The following GCNT3 variants were observed in gnomAD, a reference collection of about 807,000 sequenced individuals.
GCNT3 encodes the protein glucosaminyl (N-acetyl) transferase 3, mucin type, also known as beta-1,3-galactosyl-O-glycosyl-glycoprotein beta-1,6-N-acetylglucosaminyltransferase 3.
For missense variants in GCNT3, 708 were observed against 530.3 expected, an observed-to-expected ratio of 1.34 and a Z score of -3.29; for synonymous variants, 269 against 195.2, an observed-to-expected ratio of 1.38 and a Z score of -3.15.
At position 59,616,718 on chromosome 15, in the gene GCNT3, C is replaced by G. The variant is rs1200288415; in HGVS notation, c.-224C>G. On this transcript the variant is annotated 5_prime_UTR_variant, in exon 2 of 3. Transcript: ENST00000396065. Reference sequence around the variant, plus strand: ...TATTAAAGAGGAGCCTGAAACTGTTCCTTGGACATCTTATGAATGTCAGAA... The same window carrying G: ...TATTAAAGAGGAGCCTGAAACTGTTGCTTGGACATCTTATGAATGTCAGAA... 2.0e-5 allele frequency: 3 copies of G among 152,158 alleles called. No individual in the cohort carries two copies. Among genetic ancestry groups the G allele is most frequent in the Admixed American group, 6.5e-5 (1 of 15,272 alleles). The allele number at this position is 152,158 out of a possible 1,614,324, so 9.4% of individuals were successfully genotyped here.
In GCNT3 at chr15:59,622,177, G is replaced by A. The variant is rs1890948355; in HGVS notation, c.*2622G>A. On this transcript the variant is annotated 3_prime_UTR_variant, in exon 3 of 3. Coordinates refer to ENST00000396065, the MANE Select transcript of GCNT3 (RefSeq NM_004751.3). ...AAAATATAAAAATTAGCCAGACATG[G>A]TGGTGGGTACCTGTAATCCCAGCTA... 1 of 151,950 alleles carries A rather than the reference G, an allele frequency of 6.6e-6. No homozygotes were observed. The highest frequency in any genetic ancestry group is 1.5e-5 in the Non-Finnish European group (1 of 68,038). The allele number at this position is 151,950 out of a possible 1,614,324, so 9.4% of individuals were successfully genotyped here.
rs564428986 is a variant in GCNT3, at chr15:59,617,643, T to G, written c.-60-536T>G. Among the ~76,000 whole-genome samples the G allele has an allele frequency of 2.6e-5, 4 of 152,344 alleles. No individual in the cohort carries two copies. The South Asian group carries it at 8.3e-4, about 32-fold the overall frequency. Reference sequence around the variant, plus strand: ...TTTTTACTTCTTTAAGAACATTTTTTAAAAAGTGTGGCTAGATGTCACATC... The same window carrying G: ...TTTTTACTTCTTTAAGAACATTTTTGAAAAAGTGTGGCTAGATGTCACATC... On this transcript the variant is annotated intron_variant, in intron 2 of 2. Coordinates refer to ENST00000396065, the MANE Select transcript of GCNT3 (RefSeq NM_004751.3).
Position 59,619,316 on chromosome 15 carries a change from A to G in GCNT3, c.1078A>G (p.Ile360Val), listed in dbSNP as rs577938091. 51 of 1,613,970 alleles carry G rather than the reference A, an allele frequency of 3.2e-5. No individual in the cohort carries two copies. Among genetic ancestry groups the G allele is most frequent in the African/African-American group, 6.7e-5 (5 of 74,882 alleles). Reference sequence around the variant, plus strand: ...GTACGACATCTCAGACATGACTTCTATTGCCAGGCTGGTCAAGTGGCAGGG... The same window carrying G: ...GTACGACATCTCAGACATGACTTCTGTTGCCAGGCTGGTCAAGTGGCAGGG... Reference protein sequence around the residue: ...PKYDISDMTSIARLVKWQGHE... With the variant: ...PKYDISDMTSVARLVKWQGHE... The change falls in exon 3 of 3, where the codon ATT (isoleucine) becomes GTT (valine). Residue 360 changes from isoleucine to valine, a missense_variant. Ile to Val is a conservative substitution (Grantham distance 29). Coordinates refer to ENST00000396065, the MANE Select transcript of GCNT3 (RefSeq NM_004751.3).
chr15:59,619,020 A>T lies in GCNT3; in HGVS notation c.782A>T (p.Lys261Ile). 1 of 1,614,186 alleles carries T rather than the reference A, an allele frequency of 6.2e-7. No individual in the cohort carries two copies. Among genetic ancestry groups the T allele is most frequent in the Non-Finnish European group, 8.5e-7 (1 of 1,180,028 alleles). ...SMESEVPPKH[K>I]ETRWKYHFEV... Reference sequence around the variant, plus strand: ...GAGTCAGAGGTACCTCCTAAGCACAAAGAAACCCGCTGGAAATATCACTTT... The same window carrying T: ...GAGTCAGAGGTACCTCCTAAGCACATAGAAACCCGCTGGAAATATCACTTT... Residue 261 changes from lysine (K) to isoleucine (I), a missense_variant, in exon 3 of 3, where the codon AAA becomes ATA. Coordinates refer to ENST00000396065, the MANE Select transcript of GCNT3 (RefSeq NM_004751.3).
In GCNT3 at chr15:59,619,779, C is replaced by T. The variant is rs1886558523; in HGVS notation, c.*224C>T. 2.2e-6 allele frequency: 1 copy of T among 451,588 alleles called. No individual in the cohort carries two copies. Among genetic ancestry groups the T allele is most frequent in the South Asian group, 3.3e-5 (1 of 30,010 alleles). The allele number at this position is 451,588 out of a possible 1,614,324, so 28.0% of individuals were successfully genotyped here. ...TCACCCCTAACCCTAGTAGTTCCTC[C>T]ACTAACTTTCTCACTAAGTGAGAAT... On this transcript the variant is annotated 3_prime_UTR_variant, in exon 3 of 3. Transcript: ENST00000396065.
At position 59,619,144 on chromosome 15, in the gene GCNT3, C is replaced by T; in HGVS notation, c.906C>T (p.Ser302=). Residue 302 remains serine (S), a synonymous_variant, in exon 3 of 3, where the codon TCC becomes TCT. Coordinates refer to ENST00000396065, the MANE Select transcript of GCNT3 (RefSeq NM_004751.3). ...MFTGNAYIVA[S]RDFVQHVLKN... ...CAGGGAATGCGTACATTGTGGCTTCCCGAGATTTCGTCCAACATGTTTTGA... is the reference window on the plus strand; with the variant it reads ...CAGGGAATGCGTACATTGTGGCTTCTCGAGATTTCGTCCAACATGTTTTGA... The T allele has an allele frequency of 1.9e-6, 3 of 1,614,134 alleles. No homozygotes were observed. The highest frequency in any genetic ancestry group is 2.5e-6 in the Non-Finnish European group (3 of 1,180,024).
chr15:59,621,615 A>T lies in GCNT3; in HGVS notation c.*2060A>T. ...TTGTTTTTTTTTTTTTTTTTGAGAC[A>T]GAGTCTCACTCTGTCACCCAGGTTG... is the stretch of plus-strand genomic sequence containing the variant. On this transcript the variant is annotated 3_prime_UTR_variant, in exon 3 of 3. Coordinates refer to ENST00000396065, the MANE Select transcript of GCNT3 (RefSeq NM_004751.3). 7.8e-4 allele frequency: 1 copy of T among 1,282 alleles called. No homozygotes were observed. The highest frequency in any genetic ancestry group is 2.1e-3 in the African/African-American group (1 of 472). The allele number at this position is 1,282 out of a possible 1,614,324, so 0.1% of individuals were successfully genotyped here. A position where few individuals can be genotyped will look rare whatever the true frequency, so the allele number is the denominator to read the frequency against.
At chr15:59,612,962 C>T (rs1237155684) in intron 1 of GCNT3, among the ~76,000 whole-genome samples, 1 of 151,752 alleles carries the variant, frequency 6.6e-6, no homozygotes, top group Non-Finnish European at 1.5e-5. Context: ...TCTGCTTGGT[C>T]CAGAGTTCAG....
Position 59,618,701 on chromosome 15 carries a change from G to A in GCNT3, c.463G>A (p.Ala155Thr). The A allele has an allele frequency of 6.2e-7, 1 of 1,614,064 alleles. No individual in the cohort carries two copies. The highest frequency in any genetic ancestry group is 8.5e-7 in the Non-Finnish European group (1 of 1,179,952). ...TGAAAGGCTACTGCGAGCTGTGTATGCCCCTCAGAACATATACTGTGTCCA... is the reference window on the plus strand; with the variant it reads ...TGAAAGGCTACTGCGAGCTGTGTATACCCCTCAGAACATATACTGTGTCCA... ...NFERLLRAVY[A>T]PQNIYCVHVD... The change falls in exon 3 of 3, where the codon GCC becomes ACC. Residue 155 changes from alanine to threonine, a missense_variant. Ala to Thr is a moderately conservative substitution (Grantham distance 58). Transcript: ENST00000396065.
chr15:59,612,965 G>A (rs1203805835), intron 1 of GCNT3, among the ~76,000 whole-genome samples: 3 of 151,802 alleles, frequency 2.0e-5, no homozygotes. Flanking sequence ...GCTTGGTCCA[G>A]AGTTCAGGAA....
chr15:59,614,089 T>C (rs2082708702), intron 1 of GCNT3, among the ~76,000 whole-genome samples: 2 of 152,126 alleles, frequency 1.3e-5, no homozygotes, highest in African/African-American at 4.8e-5. Context: ...TATAATGCAG[T>C]TTTTATGGGA....
intron 1 of GCNT3, chr15:59,615,104 T>G (rs904313350): frequency 6.6e-6 from 1 of 152,212 alleles, no homozygotes; most frequent in African/African-American, 2.4e-5. Flanking sequence ...TCATGCCTCT[T>G]GCAAACCACG....
rs763125847 is a variant in GCNT3 at position 59,619,434 on chromosome 15, A to G, written c.1196A>G (p.Asn399Ser). The change falls in exon 3 of 3, where the codon AAT becomes AGT. Residue 399 changes from asparagine (N) to serine (S), a missense_variant. Transcript: ENST00000396065. The part of the protein sequence containing the change: ...AICVYGAGDL[N>S]WMLQNHHLLA... ...TGCGTTTATGGGGCTGGGGACTTGA[A>G]TTGGATGCTTCAAAACCATCACCTG... is the stretch of plus-strand genomic sequence containing the variant. 9 of 1,614,132 alleles carry G rather than the reference A, an allele frequency of 5.6e-6. 1 individual carries two copies. The South Asian group carries it at 9.9e-5, about 18-fold the overall frequency.
In GCNT3 at chr15:59,618,751, T is replaced by G; in HGVS notation, c.513T>G (p.Thr171=). 1.2e-6 allele frequency: 2 copies of G among 1,614,156 alleles called. No homozygotes were observed. The highest frequency in any genetic ancestry group is 1.7e-6 in the Non-Finnish European group (2 of 1,180,012). The change falls in exon 3 of 3, where the codon ACT becomes ACG. Residue 171 remains threonine, a synonymous_variant. Coordinates refer to ENST00000396065, the MANE Select transcript of GCNT3 (RefSeq NM_004751.3). The part of the protein sequence containing the change: ...CVHVDEKSPE[T]FKEAVKAIIS... ...ATGTGGATGAGAAGTCCCCAGAAAC[T>G]TTCAAAGAGGCGGTCAAAGCAATTA...
intron 1 of GCNT3, among the ~76,000 whole-genome samples, chr15:59,614,453 T>C (rs2082710655): frequency 6.6e-6 from 1 of 151,386 alleles, no homozygotes; most frequent in Admixed American, 6.6e-5. Flanking sequence ...TCCATAGACA[T>C]AGCAGCCCTG....
At chr15:59,612,418 A>G (rs2141931026) in intron 1 of GCNT3, among the ~76,000 whole-genome samples, 1 of 152,256 alleles carries the variant, frequency 6.6e-6, no homozygotes, top group Non-Finnish European at 1.5e-5. Flanking sequence ...GTTGCTTTAT[A>G]TTTTGGTTAC....
chr15:59,613,682 C>T (rs773774747), intron 1 of GCNT3, among the ~76,000 whole-genome samples: 12 of 152,086 alleles, frequency 7.9e-5, no homozygotes, highest in African/African-American at 2.4e-4. Context: ...GCTGAGATGG[C>T]GCCACTGCAC....
intron 1 of GCNT3, among the ~76,000 whole-genome samples, chr15:59,614,121 G>C (rs2082708813): frequency 6.6e-6 from 1 of 152,134 alleles, no homozygotes; most frequent in African/African-American, 2.4e-5. Context: ...ACTTGAGGGG[G>C]GCACCAAAGA....
intron 1 of GCNT3, among the ~76,000 whole-genome samples, chr15:59,615,945 A>G (rs1254406206): frequency 6.6e-6 from 1 of 152,144 alleles, no homozygotes; most frequent in African/African-American, 2.4e-5. Context: ...GCTTTTTAGG[A>G]GGAGCAGTTG....
Sources: allele counts gnomAD v4.1 joint callset (sites outside exome capture counted in the v4.1 genomes callset), GRCh38; gene constraint gnomAD v4.1.1; transcripts MANE v1.5; gene names NCBI Gene and HGNC (gene_info 2026-07-23, HGNC 2026-07-21).